The following DOK6 variants were observed in gnomAD, a reference collection of about 807,000 sequenced individuals.
The protein encoded by DOK6 is downstream of tyrosine kinase 6.
Under a neutral mutation model 44.0 loss-of-function variants are expected in DOK6, and 22 were observed. The ratio of observed to expected loss-of-function variants is 0.50; its 90% CI spans 0.36 to 0.71. The LOEUF (loss-of-function observed/expected upper bound fraction) is 0.71, where lower values mean the gene tolerates loss of function less well. Among genes scored for constraint, DOK6 ranks in the 30% least tolerant of loss-of-function variants. DOK6 has a pLI of 0.00. For synonymous variants in DOK6, 166 were observed against 145.5 expected (o/e 1.14, Z -1.01); for missense variants, 340 against 416.4 (o/e 0.82, Z 1.60).
chr18:69,403,058 A>G (rs922447089), intron 1 of DOK6, among the ~76,000 whole-genome samples: 1 of 151,984 alleles, frequency 6.6e-6, no homozygotes, highest in Non-Finnish European at 1.5e-5. Context: ...ATGCTTGATC[A>G]TTTTTCTCGG....
intron 2 of DOK6, among the ~76,000 whole-genome samples, chr18:69,566,520 T>G (rs1273210035): frequency 6.6e-6 from 1 of 151,526 alleles, no homozygotes; most frequent in African/African-American, 2.5e-5. Flanking sequence ...ATCTTTTATC[T>G]GAAAAAAATA....
At chr18:69,527,888 T>G (rs778368272) in intron 1 of DOK6, among the ~76,000 whole-genome samples, 1 of 152,060 alleles carries the variant, frequency 6.6e-6, no homozygotes, top group East Asian at 1.9e-4. Flanking sequence ...CCTGGCCGGG[T>G]GCGGTGGCTC....
intron 1 of DOK6, among the ~76,000 whole-genome samples, chr18:69,405,136 C>T (rs1916177934): frequency 6.6e-6 from 1 of 152,138 alleles, no homozygotes; most frequent in East Asian, 1.9e-4. Context: ...GTGGATTCAC[C>T]TACCTCTTGC....
At chr18:69,420,997 C>A (rs1021650144) in intron 1 of DOK6, among the ~76,000 whole-genome samples, 8 of 152,164 alleles carry the variant, frequency 5.3e-5, no homozygotes, top group Non-Finnish European at 1.5e-5. Flanking sequence ...CTAACGATTC[C>A]TCAGATCTCT....
chr18:69,528,426 A>G (rs1429621760), intron 1 of DOK6, among the ~76,000 whole-genome samples: 2 of 152,180 alleles, frequency 1.3e-5, no homozygotes, highest in African/African-American at 4.8e-5. Context: ...ACTCCCCAGT[A>G]GGTTTTAATG....
intron 2 of DOK6, among the ~76,000 whole-genome samples, chr18:69,578,725 C>T (rs183010130): frequency 6.6e-6 from 1 of 152,256 alleles, no homozygotes; most frequent in East Asian, 1.9e-4. Flanking sequence ...GAAATGCTTA[C>T]TGCATAATGT....
intron 1 of DOK6, among the ~76,000 whole-genome samples, chr18:69,485,479 A>G (rs1287481599): frequency 2.0e-5 from 3 of 152,180 alleles, no homozygotes; most frequent in Non-Finnish European, 4.4e-5. Context: ...TGGATGCAGA[A>G]TAAAGGCAAG....
chr18:69,508,701 T>A (rs1463767443), intron 1 of DOK6, among the ~76,000 whole-genome samples: 2 of 152,214 alleles, frequency 1.3e-5, no homozygotes, highest in African/African-American at 4.8e-5. Flanking sequence ...AGTGTATTTA[T>A]GGATCTACAG....
At chr18:69,657,284 C>T (rs1419422748) in intron 3 of DOK6, among the ~76,000 whole-genome samples, 1 of 152,186 alleles carries the variant, frequency 6.6e-6, no homozygotes, top group Non-Finnish European at 1.5e-5. Context: ...TTTCCATTAA[C>T]TTGCGTCTGT....
At chr18:69,415,523 C>T (rs356015) in intron 1 of DOK6, among the ~76,000 whole-genome samples, 150,955 of 152,192 alleles carry the variant, frequency 0.99, 74,884 homozygotes, top group Middle Eastern at 1. Flanking sequence ...TTTAAATGAT[C>T]ATTACTATCT....
rs144713913 is a variant in DOK6, at chr18:69,794,057, G to A, written c.856+36184G>A. 7.6e-3 allele frequency among the ~76,000 whole-genome samples: 1,149 copies of A among 152,124 alleles called. 10 individuals are homozygous for A. The highest frequency in any genetic ancestry group is 0.012 in the Non-Finnish European group (843 of 68,006). ...CAGATGAATACTCAGAGTGATAAAC[G>A]ACAGACTGCTCTCCCAACACCCTGA... On this transcript the variant is annotated intron_variant, in intron 7 of 7. Coordinates refer to ENST00000382713, the MANE Select transcript of DOK6 (RefSeq NM_152721.6).
chr18:69,637,485 C>T (rs1035329048), intron 3 of DOK6, among the ~76,000 whole-genome samples: 2 of 152,184 alleles, frequency 1.3e-5, no homozygotes, highest in African/African-American at 4.8e-5. Context: ...ATCTCCACTC[C>T]TTCCCCCGCA....
Position 69,841,392 on chromosome 18 carries a change from G to C in DOK6, c.*9G>C. ...CCAGCCTCATCCAATGACACACAGAGAGCCGCTGTTGACTAGAGAGACAGT... is the reference window on the plus strand; with the variant it reads ...CCAGCCTCATCCAATGACACACAGACAGCCGCTGTTGACTAGAGAGACAGT... On this transcript the variant is annotated 3_prime_UTR_variant, in exon 8 of 8. Transcript: ENST00000382713. The C allele has an allele frequency of 6.2e-7, 1 of 1,614,140 alleles. No individual in the cohort carries two copies. The highest frequency in any genetic ancestry group is 1.3e-5 in the African/African-American group (1 of 75,032).
At chr18:69,458,691 AG>A (rs1326054119) in intron 1 of DOK6, among the ~76,000 whole-genome samples, 1 of 152,228 alleles carries the variant, frequency 6.6e-6, no homozygotes, top group Non-Finnish European at 1.5e-5. Context: ...GCAAGGTTTC[AG>A]GATACAAAAT....
intron 2 of DOK6, among the ~76,000 whole-genome samples, chr18:69,576,036 G>C (rs553794667): frequency 6.6e-6 from 1 of 152,226 alleles, no homozygotes; most frequent in South Asian, 2.1e-4. Flanking sequence ...CTCATGGCTT[G>C]CTCCATTTCT....
chr18:69,408,478 T>C (rs1978293262), intron 1 of DOK6, among the ~76,000 whole-genome samples: 1 of 152,114 alleles, frequency 6.6e-6, no homozygotes, highest in Non-Finnish European at 1.5e-5. Flanking sequence ...AAAATTTACA[T>C]GACAGTGTCT....
chr18:69,497,867 G>A (rs1980936443), intron 1 of DOK6, among the ~76,000 whole-genome samples: 1 of 152,072 alleles, frequency 6.6e-6, no homozygotes, highest in South Asian at 2.1e-4. Flanking sequence ...GTTCATGCTT[G>A]TAATCTCACT....
At chr18:69,748,432 G>A (rs1206379625) in intron 6 of DOK6, among the ~76,000 whole-genome samples, 1 of 151,660 alleles carries the variant, frequency 6.6e-6, no homozygotes, top group Non-Finnish European at 1.5e-5. Context: ...CATTCTTCTT[G>A]GCACCATGGC....
chr18:69,596,994 A>G (rs1173207849), intron 2 of DOK6, among the ~76,000 whole-genome samples: 1 of 152,090 alleles, frequency 6.6e-6, no homozygotes, highest in Non-Finnish European at 1.5e-5. Context: ...AATTATAAAG[A>G]AAATGTTAAT....
Sources: allele counts gnomAD v4.1 joint callset (sites outside exome capture counted in the v4.1 genomes callset), GRCh38; gene constraint gnomAD v4.1.1; transcripts MANE v1.5; gene names NCBI Gene and HGNC (gene_info 2026-07-23, HGNC 2026-07-21).